The following KLF8 variants were observed in gnomAD, a reference collection of about 807,000 sequenced individuals.
KLF8 encodes the protein Krueppel-like factor 8.
A neutral mutation model predicts 18.2 loss-of-function variants in KLF8; 10 were observed. That is an observed-to-expected ratio of 0.55 (90% CI 0.34 to 0.93). The LOEUF (loss-of-function observed/expected upper bound fraction) is 0.93, where lower values mean the gene tolerates loss of function less well. Ranked by LOEUF, KLF8 falls within the 40% of genes least tolerant of loss-of-function variation. KLF8 has a pLI of 0.02. For missense variants in KLF8, 264 were observed against 277.9 expected (o/e 0.95, Z 0.36); for synonymous variants, 109 against 97.3 (o/e 1.12, Z -0.71).
chrX:56,103,921 AG>A, the KLF8 span, among the ~76,000 whole-genome samples: 1 of 110,984 alleles, frequency 9.0e-6, no homozygotes, highest in Non-Finnish European at 1.9e-5. Flanking sequence ...TTTAGCATGA[AG>A]GGCTGTTGAA....
At chrX:56,185,413 G>C in the KLF8 span, among the ~76,000 whole-genome samples, 1 of 112,403 alleles carries the variant, frequency 8.9e-6, no homozygotes, top group African/African-American at 3.2e-5. Flanking sequence ...GTACCTGAAA[G>C]TGACGGGGAG....
chrX:55,952,664 T>A, the KLF8 span, among the ~76,000 whole-genome samples: 1 of 112,183 alleles, frequency 8.9e-6, no homozygotes, highest in South Asian at 3.7e-4. Context: ...TAAAATTCCT[T>A]TGGACATGTA....
the KLF8 span, among the ~76,000 whole-genome samples, chrX:56,052,937 C>T: frequency 3.6e-5 from 4 of 111,754 alleles, no homozygotes; most frequent in South Asian, 1.5e-3. Context: ...GGCGTAGGAC[C>T]CTCCGAGCCA....
chrX:56,037,493 A>T, the KLF8 span, among the ~76,000 whole-genome samples: 2 of 111,224 alleles, frequency 1.8e-5, no homozygotes, highest in Admixed American at 9.6e-5. Context: ...ATTGATATTA[A>T]TTTTTTTAAA....
the KLF8 span, among the ~76,000 whole-genome samples, chrX:56,017,079 T>C: frequency 8.9e-6 from 1 of 112,307 alleles, no homozygotes; most frequent in Non-Finnish European, 1.9e-5. Flanking sequence ...TAGAAAATAC[T>C]ACAGAGGCTG....
the KLF8 span, among the ~76,000 whole-genome samples, chrX:55,962,920 G>A: frequency 8.9e-6 from 1 of 112,578 alleles, no homozygotes; most frequent in East Asian, 2.8e-4. Flanking sequence ...TCAGCACTGT[G>A]TCTGTCCTCC....
chrX:56,112,807 T>C, the KLF8 span, among the ~76,000 whole-genome samples: 13 of 112,428 alleles, frequency 1.2e-4, no homozygotes, highest in Non-Finnish European at 2.2e-4. Flanking sequence ...TTTATTTTAG[T>C]TCTTTTTGTA....
the KLF8 span, among the ~76,000 whole-genome samples, chrX:56,101,943 C>T: frequency 4.5e-5 from 5 of 111,689 alleles, no homozygotes; most frequent in East Asian, 1.4e-3. Context: ...TGCAGAACCC[C>T]TCTAGTTTAG....
At chrX:55,989,778 G>A in the KLF8 span, among the ~76,000 whole-genome samples, 6 of 111,771 alleles carry the variant, frequency 5.4e-5, no homozygotes, top group African/African-American at 2.0e-4. Flanking sequence ...AGAAGGAATG[G>A]TACCAGCTCC....
the KLF8 span, among the ~76,000 whole-genome samples, chrX:56,192,707 G>A: frequency 1.8e-5 from 2 of 112,168 alleles, no homozygotes; most frequent in Admixed American, 1.9e-4. Context: ...AACATAAATT[G>A]GGGAATGGAA....
At chrX:56,226,436 C>T in the KLF8 span, among the ~76,000 whole-genome samples, 1 of 111,785 alleles carries the variant, frequency 8.9e-6, no homozygotes. Flanking sequence ...GCTAGTTTTA[C>T]TCTCCATAAA....
chrX:56,069,424 G>GGGATATGT, the KLF8 span, among the ~76,000 whole-genome samples: 1 of 111,274 alleles, frequency 9.0e-6, no homozygotes, highest in Non-Finnish European at 1.9e-5. Flanking sequence ...GTAGCCAGGT[G>GGGATATGT]GGATATGTGT....
the KLF8 span, among the ~76,000 whole-genome samples, chrX:56,028,372 T>A: frequency 1.8e-5 from 2 of 111,591 alleles, no homozygotes; most frequent in Admixed American, 9.5e-5. Flanking sequence ...CCTTCTGGTT[T>A]TATGTTCTGG....
the KLF8 span, among the ~76,000 whole-genome samples, chrX:56,026,095 G>T: frequency 1.8e-5 from 2 of 112,209 alleles, no homozygotes; most frequent in Non-Finnish European, 3.8e-5. Context: ...TACAGGGATT[G>T]TCCAGGCTTG....
At chrX:56,065,564 T>C in the KLF8 span, among the ~76,000 whole-genome samples, 47 of 111,792 alleles carry the variant, frequency 4.2e-4, no homozygotes, top group Admixed American at 2.4e-3. Context: ...TTTCATTGGA[T>C]CTGTTGCTGG....
chrX:56,002,274 T>A, the KLF8 span, among the ~76,000 whole-genome samples: 1 of 111,983 alleles, frequency 8.9e-6, no homozygotes, highest in African/African-American at 3.2e-5. Context: ...TATTCTTTTT[T>A]TTGAATTTCT....
intron 2 of KLF8, among the ~76,000 whole-genome samples, chrX:56,257,197 C>A (rs1217196073): frequency 9.0e-6 from 1 of 111,207 alleles, no homozygotes; most frequent in Non-Finnish European, 1.9e-5. Flanking sequence ...TTCTGAGTGT[C>A]TTAAGGTGTG....
At chrX:55,996,522 T>G in the KLF8 span, among the ~76,000 whole-genome samples, 1 of 112,038 alleles carries the variant, frequency 8.9e-6, no homozygotes, top group Non-Finnish European at 1.9e-5. Flanking sequence ...GTTTATGTCC[T>G]TTAGATAGGG....
the KLF8 span, among the ~76,000 whole-genome samples, chrX:56,226,846 G>T: frequency 8.9e-6 from 1 of 112,034 alleles, no homozygotes; most frequent in African/African-American, 3.2e-5. Flanking sequence ...CTTGAGAAGG[G>T]AATATCCTGT....
Sources: gnomAD v4.1 joint callset for allele counts (sites outside exome capture counted in the v4.1 genomes callset) on GRCh38, gnomAD v4.1.1 for gene constraint, MANE v1.5 for transcripts, NCBI Gene and HGNC (gene_info 2026-07-23, HGNC 2026-07-21) for gene names.